KCNN1: variants seen among roughly 807,000 people sequenced by gnomAD.
KCNN1 encodes small conductance calcium-activated potassium channel protein 1.
KCNN1 carries 20 observed loss-of-function variants against 44.7 expected under a neutral mutation model. The observed-to-expected ratio is 0.45, with a 90% CI of 0.32 to 0.65. KCNN1 has a LOEUF of 0.65. Ranked by LOEUF, KCNN1 falls within the 30% of genes least tolerant of loss-of-function variation. The pLI is 0.05. For synonymous variants in KCNN1, 324 were observed against 341.7 expected, an observed-to-expected ratio of 0.95 and a Z score of 0.57; for missense variants, 632 against 785.3, an observed-to-expected ratio of 0.80 and a Z score of 2.33.
At chr19:17,967,533 T>G (rs1165414958) in intron 1 of KCNN1, among the ~76,000 whole-genome samples, 1 of 151,848 alleles carries the variant, frequency 6.6e-6, no homozygotes, top group Admixed American at 6.6e-5. Context: ...ACCCCCATCC[T>G]GGGAGGGGGA....
Position 17,993,201 on chromosome 19 carries a change from G to A in KCNN1, c.1307+139G>A. ...CACATCTGCCCCATGGATCCGTGCA[G>A]GCTTCACCTTGGTCTGGGATCCAAC... On this transcript the variant is annotated intron_variant, in intron 8 of 9. Coordinates refer to ENST00000684775, the MANE Select transcript of KCNN1 (RefSeq NM_001386974.1). The surrounding 1 kb of genome is among the most constrained non-coding windows in gnomAD (Gnocchi z 4.5). 9.3e-7 allele frequency: 1 copy of A among 1,072,234 alleles called. No individual in the cohort carries two copies. The highest frequency in any genetic ancestry group is 1.4e-6 in the Non-Finnish European group (1 of 720,034). The allele number at this position is 1,072,234 out of a possible 1,614,324, so 66.4% of individuals were successfully genotyped here. A position where few individuals can be genotyped will look rare whatever the true frequency, so the allele number is the denominator to read the frequency against.
At position 17,993,085 on chromosome 19, in the gene KCNN1, G is replaced by A; in HGVS notation, c.1307+23G>A. Reference sequence around the variant, plus strand: ...GAAGTAAGTGTTCTCCCAGGGGCTTGGTGGGGCTGGGAAATCGGGGGTGCA... The same window carrying A: ...GAAGTAAGTGTTCTCCCAGGGGCTTAGTGGGGCTGGGAAATCGGGGGTGCA... On this transcript the variant is annotated intron_variant, in intron 8 of 9. Coordinates refer to ENST00000684775, the MANE Select transcript of KCNN1 (RefSeq NM_001386974.1). This position sits in a 1 kb window ranked among gnomAD's most constrained non-coding sequence, Gnocchi z 4.5. The A allele has an allele frequency of 6.2e-7, 1 of 1,613,616 alleles. No homozygotes were observed. Among genetic ancestry groups the A allele is most frequent in the South Asian group, 1.1e-5 (1 of 90,996 alleles).
intron 7 of KCNN1, 27 bp downstream of exon 7, chr19:17,989,870 G>C (rs1022490862): frequency 6.2e-7 from 1 of 1,610,806 alleles, no homozygotes. Flanking sequence ...TCCAGCTCAC[G>C]TTTCTGTGTC....
At chr19:17,954,809 A>T (rs2031501868) in intron 2 of KCNN1, 1 of 152,168 alleles carries the variant, frequency 6.6e-6, no homozygotes, top group Non-Finnish European at 1.5e-5. Context: ...AGGCTGAGGC[A>T]GGTGGATCAC....
chr19:17,976,722 C>CT (rs71336654), intron 3 of KCNN1, among the ~76,000 whole-genome samples: 26 of 138,666 alleles, frequency 1.9e-4, no homozygotes, highest in South Asian at 1.2e-3. Context: ...CCAGCATAAC[C>CT]TTTTTTTTTT....
Position 17,995,476 on chromosome 19 carries a change from G to T in KCNN1, c.1377+1917G>T, listed in dbSNP as rs553566776. 1.7e-3 allele frequency among the ~76,000 whole-genome samples: 259 copies of T among 151,486 alleles called. 2 individuals carry two copies. The highest frequency in any genetic ancestry group is 6.1e-3 in the African/African-American group (251 of 41,346). The stretch of plus-strand genomic sequence containing the variant: ...GGCGTGAGCCACCGCACCCAGAAAA[G>T]AATCTTACAGAGAGAAAAACATATT... On this transcript the variant is annotated intron_variant, in intron 9 of 9. Transcript: ENST00000684775.
At chr19:17,994,461 A>G (rs1488713651) in intron 9 of KCNN1, among the ~76,000 whole-genome samples, 6 of 151,390 alleles carry the variant, frequency 4.0e-5, no homozygotes, top group African/African-American at 7.3e-5. Context: ...AAAAAAAAAA[A>G]GCAAGAAAGA....
intron 3 of KCNN1, among the ~76,000 whole-genome samples, chr19:17,979,593 A>C (rs1475660203): frequency 8.6e-5 from 13 of 151,202 alleles, no homozygotes; most frequent in Admixed American, 8.6e-4. Context: ...CTCCAATATG[A>C]TTGGTCCCGG....
At chr19:17,978,217 C>T (rs530986217) in intron 3 of KCNN1, among the ~76,000 whole-genome samples, 1 of 150,538 alleles carries the variant, frequency 6.6e-6, no homozygotes, top group Admixed American at 6.6e-5. Context: ...ACCTCCGCCT[C>T]CTGGGTTCAA....
rs1362502103 is a variant in KCNN1 at position 17,988,468 on chromosome 19, C to T, written c.1113C>T (p.Leu371=). 48 of 1,613,670 alleles carry T rather than the reference C, an allele frequency of 3.0e-5. No homozygotes were observed. Among genetic ancestry groups the T allele is most frequent in the Non-Finnish European group, 4.0e-5 (47 of 1,179,966 alleles). The change falls in exon 6 of 10, where the codon CTC becomes CTT. Residue 371 remains leucine, a synonymous_variant. Coordinates refer to ENST00000684775, the MANE Select transcript of KCNN1 (RefSeq NM_001386974.1). ...CTGTGGTGGCTCGGAAGCTGGAGCT[C>T]ACCAAGGCTGAGAAGCACGTGCACA... ...VVAVVARKLE[L]TKAEKHVHNF... is the part of the protein sequence containing the mutation.
At chr19:17,951,619 C>T (rs959283195) in intron 1 of KCNN1, among the ~76,000 whole-genome samples, 1 of 152,056 alleles carries the variant, frequency 6.6e-6, no homozygotes, top group Non-Finnish European at 1.5e-5. Context: ...GGTTCCTAAT[C>T]GCGCAGGTTG....
chr19:17,968,739 G>T (rs2031907219), intron 1 of KCNN1, among the ~76,000 whole-genome samples: 1 of 152,126 alleles, frequency 6.6e-6, no homozygotes, highest in African/African-American at 2.4e-5. Flanking sequence ...GGAGGGTGTG[G>T]AAGTGGGTCT....
chr19:17,991,333 C>T (rs1488841825), intron 7 of KCNN1, among the ~76,000 whole-genome samples: 1 of 152,036 alleles, frequency 6.6e-6, no homozygotes, highest in African/African-American at 2.4e-5. Context: ...TGTCTATGGT[C>T]CCAGCTACCC....
intron 5 of KCNN1, among the ~76,000 whole-genome samples, chr19:17,986,881 A>C (rs1484182687): frequency 1.3e-5 from 2 of 152,072 alleles, no homozygotes; most frequent in Non-Finnish European, 2.9e-5. Flanking sequence ...ATCCCAGCTC[A>C]CTGCAACCTC....
chr19:17,971,554 C>T (rs1040821706), intron 1 of KCNN1, among the ~76,000 whole-genome samples: 4 of 152,048 alleles, frequency 2.6e-5, no homozygotes, highest in African/African-American at 9.7e-5. Context: ...CCTCCGCCTC[C>T]CGGGTTCAAG....
chr19:17,988,203 TGGG>T (rs1345832825), intron 5 of KCNN1, among the ~76,000 whole-genome samples: 1 of 149,694 alleles, frequency 6.7e-6, no homozygotes, highest in African/African-American at 2.5e-5. Context: ...CTGGAGTTGT[TGGG>T]GGTCGAATGA....
At chr19:17,962,850 C>T (rs12986150), upstream of KCNN1, among the ~76,000 whole-genome samples, 17,798 of 150,994 alleles carry the variant, frequency 0.12, 1,126 homozygotes, top group South Asian at 0.15. Flanking sequence ...GGGATTACAG[C>T]GCCACCACGC....
upstream of KCNN1, among the ~76,000 whole-genome samples, chr19:17,966,795 C>A (rs905792520): frequency 6.6e-6 from 1 of 152,048 alleles, no homozygotes; most frequent in Admixed American, 6.6e-5. Context: ...GGAGGACAGT[C>A]CCCAGGCGTG....
rs369808595 is a variant in KCNN1 at position 17,985,696 on chromosome 19, G to C, written c.1059+243G>C. The stretch of plus-strand genomic sequence containing the variant: ...CGGTCCTTCCAGGCCTAGATATGCA[G>C]CTCCCACCATGCCTGCCCAGTAAGA... On this transcript the variant is annotated intron_variant, in intron 5 of 9. Coordinates refer to ENST00000684775, the MANE Select transcript of KCNN1 (RefSeq NM_001386974.1). 1.2e-4 allele frequency among the ~76,000 whole-genome samples: 19 copies of C among 152,256 alleles called. No individual in the cohort carries two copies. In the East Asian group the frequency reaches 1.9e-3, roughly 15 times the overall value.
Sources: gnomAD v4.1 joint callset for allele counts (sites outside exome capture counted in the v4.1 genomes callset) on GRCh38, gnomAD v4.1.1 for gene constraint, Gnocchi (gnomAD v3.1) non-coding constraint, MANE v1.5 for transcripts, NCBI Gene and HGNC (gene_info 2026-07-23, HGNC 2026-07-21) for gene names.